Variants in TSHZ2 observed in about 807,000 individuals in gnomAD.
TSHZ2 encodes the protein teashirt homolog 2.
In TSHZ2, 21 loss-of-function variants were observed where a neutral mutation model predicts 74.4. The ratio of observed to expected loss-of-function variants is 0.28; its 90% CI spans 0.20 to 0.41. TSHZ2 has a LOEUF of 0.41. Ranked by LOEUF, TSHZ2 falls within the 10% of genes least tolerant of loss-of-function variation. The pLI is 1.00. For synonymous variants in TSHZ2, 540 were observed against 515.3 expected (o/e 1.05, Z -0.65); for missense variants, 1,244 against 1,293.5 (o/e 0.96, Z 0.59).
chr20:53,319,609 G>C (rs1415815895), intron 2 of TSHZ2, among the ~76,000 whole-genome samples: 1 of 152,246 alleles, frequency 6.6e-6, no homozygotes, highest in Non-Finnish European at 1.5e-5. Context: ...GCCATGGCTA[G>C]AGTTTCATGA....
intron 2 of TSHZ2, among the ~76,000 whole-genome samples, chr20:53,380,441 A>G (rs1981817074): frequency 2.0e-5 from 3 of 152,238 alleles, no homozygotes; most frequent in Non-Finnish European, 4.4e-5. Flanking sequence ...TAAGGAAATA[A>G]TTGAACATAG....
At chr20:53,457,142 C>G (rs1197261977) in intron 2 of TSHZ2, among the ~76,000 whole-genome samples, 5 of 132,882 alleles carry the variant, frequency 3.8e-5, no homozygotes, top group African/African-American at 1.5e-4. Flanking sequence ...TGTAAATTAC[C>G]TTGGGCAGTA....
intron 1 of TSHZ2, among the ~76,000 whole-genome samples, chr20:53,026,305 C>T (rs1436098142): frequency 1.3e-5 from 2 of 152,012 alleles, no homozygotes; most frequent in Non-Finnish European, 2.9e-5. Flanking sequence ...CAACTGTAGC[C>T]CCAAGATACC....
At chr20:53,478,039 T>C (rs1001370511) in intron 2 of TSHZ2, among the ~76,000 whole-genome samples, 6 of 140,684 alleles carry the variant, frequency 4.3e-5, no homozygotes, top group Non-Finnish European at 9.2e-5. Flanking sequence ...TGGGGAGAAA[T>C]AGGAACACTT....
chr20:53,216,301 C>T (rs1989432774), intron 1 of TSHZ2, among the ~76,000 whole-genome samples: 1 of 152,144 alleles, frequency 6.6e-6, no homozygotes, highest in Non-Finnish European at 1.5e-5. Context: ...CCATTGTTGG[C>T]TCCTAAGCAT....
intron 1 of TSHZ2, among the ~76,000 whole-genome samples, chr20:53,194,990 C>T (rs1461788740): frequency 6.6e-6 from 1 of 152,118 alleles, no homozygotes; most frequent in Non-Finnish European, 1.5e-5. Context: ...CACTTTTTTT[C>T]ATGTCTCTAT....
At position 53,489,257 on chromosome 20, in the gene TSHZ2, G is replaced by T; in HGVS notation, c.*2122G>T. On this transcript the variant is annotated 3_prime_UTR_variant, in exon 3 of 3. Transcript: ENST00000371497. Reference sequence around the variant, plus strand: ...ATGGGAGGATCATAAAGTGAATTGAGAACAGTGAGGTCTGTCTTTGCTTAA... The same window carrying T: ...ATGGGAGGATCATAAAGTGAATTGATAACAGTGAGGTCTGTCTTTGCTTAA... The T allele has an allele frequency of 2.2e-6, 1 of 449,590 alleles. No homozygotes were observed. Among genetic ancestry groups the T allele is most frequent in the South Asian group, 1.6e-5 (1 of 63,474 alleles). 27.9% of individuals were successfully genotyped at this position (449,590 alleles called of 1,614,324 possible). A position where few individuals can be genotyped will look rare whatever the true frequency, so the allele number is the denominator to read the frequency against.
At chr20:53,468,702 A>AG (rs1253850899) in intron 2 of TSHZ2, among the ~76,000 whole-genome samples, 11 of 150,458 alleles carry the variant, frequency 7.3e-5, no homozygotes, top group Non-Finnish European at 1.0e-4. Flanking sequence ...AAAAAAAAAA[A>AG]AAAAAAACTA....
intron 1 of TSHZ2, among the ~76,000 whole-genome samples, chr20:53,176,098 G>A (rs142016058): frequency 6.6e-6 from 1 of 152,312 alleles, no homozygotes; most frequent in Non-Finnish European, 1.5e-5. Flanking sequence ...TCATTCACAA[G>A]GTGTTTGACA....
intron 2 of TSHZ2, among the ~76,000 whole-genome samples, chr20:53,278,167 GTCT>G (rs1990983206): frequency 6.6e-6 from 1 of 151,860 alleles, no homozygotes; most frequent in African/African-American, 2.4e-5. Flanking sequence ...CTTAAACATC[GTCT>G]TCTTTAAGGA....
chr20:53,050,097 A>ATGTG (rs199969118), intron 1 of TSHZ2, among the ~76,000 whole-genome samples: 5 of 81,904 alleles, frequency 6.1e-5, no homozygotes, highest in African/African-American at 2.8e-4. Flanking sequence ...AAAAATGTAT[A>ATGTG]TGTGTGTATA....
chr20:53,053,002 A>G (rs1364641291), intron 1 of TSHZ2, among the ~76,000 whole-genome samples: 3 of 152,182 alleles, frequency 2.0e-5, no homozygotes, highest in African/African-American at 4.8e-5. Context: ...CATCACCCCA[A>G]AAAGAAACTT....
intron 2 of TSHZ2, among the ~76,000 whole-genome samples, chr20:53,348,378 A>G (rs1980520905): frequency 6.6e-6 from 1 of 152,252 alleles, no homozygotes; most frequent in African/African-American, 2.4e-5. Flanking sequence ...CAGTAGTGAA[A>G]ATACTGCCTG....
intron 2 of TSHZ2, among the ~76,000 whole-genome samples, chr20:53,480,949 C>T (rs1986132053): frequency 6.6e-6 from 1 of 152,040 alleles, no homozygotes; most frequent in African/African-American, 2.4e-5. Context: ...CCCTCACAAA[C>T]TACTTAATGA....
intron 2 of TSHZ2, among the ~76,000 whole-genome samples, chr20:53,325,949 T>G (rs570896168): frequency 1.3e-5 from 2 of 152,096 alleles, no homozygotes; most frequent in Non-Finnish European, 2.9e-5. Flanking sequence ...GCCCAGCTAA[T>G]TTTTTGTATT....
At chr20:53,298,908 C>T (rs1197814354) in intron 2 of TSHZ2, among the ~76,000 whole-genome samples, 1 of 152,132 alleles carries the variant, frequency 6.6e-6, no homozygotes, top group Non-Finnish European at 1.5e-5. Flanking sequence ...GAGAAGTGCT[C>T]TGGTAAAATA....
intron 2 of TSHZ2, among the ~76,000 whole-genome samples, chr20:53,317,424 T>C (rs1979068822): frequency 6.6e-6 from 1 of 152,172 alleles, no homozygotes; most frequent in Non-Finnish European, 1.5e-5. Context: ...CACAGAAGCA[T>C]GGGGCTCATG....
chr20:53,157,895 G>A (rs6022307), intron 1 of TSHZ2, among the ~76,000 whole-genome samples: 2,127 of 152,204 alleles, frequency 0.014, 41 homozygotes, highest in African/African-American at 0.049. Context: ...CCTCAAGAAG[G>A]TTATACTCTA....
At chr20:53,438,713 C>T (rs992481196) in intron 2 of TSHZ2, among the ~76,000 whole-genome samples, 6 of 152,180 alleles carry the variant, frequency 3.9e-5, no homozygotes, top group African/African-American at 1.4e-4. Flanking sequence ...GTAATCCTAG[C>T]ATTTTGGGAG....
Sources: gnomAD v4.1 joint callset for allele counts (sites outside exome capture counted in the v4.1 genomes callset) on GRCh38, gnomAD v4.1.1 for gene constraint, MANE v1.5 for transcripts, NCBI Gene and HGNC (gene_info 2026-07-23, HGNC 2026-07-21) for gene names.